The following PRRT4 variants were observed in gnomAD, a reference collection of about 807,000 sequenced individuals.
PRRT4 encodes the protein proline rich transmembrane protein 4.
Under a neutral mutation model 55.6 loss-of-function variants are expected in PRRT4, and 59 were observed. That is an observed-to-expected ratio of 1.06 (90% confidence interval 0.86 to 1.32). PRRT4 has a LOEUF of 1.32. Among genes scored for constraint, PRRT4 ranks in the 40% most tolerant of loss-of-function variants. The pLI, the probability that PRRT4 is intolerant of heterozygous loss-of-function variation, is 0.00. For missense variants in PRRT4, 1,217 were observed against 1,222.0 expected (o/e 1.00, Z 0.06); for synonymous variants, 606 against 601.8 (o/e 1.01, Z -0.10).
chr7:128,351,977 C>A, exon 5 of PRRT4: 1 of 1,297,922 alleles, frequency 7.7e-7, no homozygotes, highest in Non-Finnish European at 9.8e-7. Context: ...AGGGGCGCCC[C>A]GGCCCGCCGC....
At chr7:128,360,568 G>A (rs970217713) in intron 1 of PRRT4, among the ~76,000 whole-genome samples, 3 of 152,220 alleles carry the variant, frequency 2.0e-5, no homozygotes, top group Non-Finnish European at 2.9e-5. Context: ...GGCCTCGGGA[G>A]GGGTAAAGCC....
intron 4 of PRRT4, among the ~76,000 whole-genome samples, chr7:128,357,649 G>T (rs537321183): frequency 1.3e-5 from 2 of 152,378 alleles, no homozygotes; most frequent in African/African-American, 4.8e-5. Flanking sequence ...CAGGTCATGG[G>T]TTAAGTCTGG....
At chr7:128,359,790 C>G in exon 2 of PRRT4, 1 of 1,537,934 alleles carries the variant, frequency 6.5e-7, no homozygotes, top group Non-Finnish European at 8.8e-7. Flanking sequence ...ACTGGGCTCC[C>G]CCAGACAGCA....
rs773833322 is a variant in PRRT4, at chr7:128,359,589, G to A, written c.403C>T (p.Arg135Cys). The A allele has an allele frequency of 3.1e-4, 464 of 1,509,734 alleles. No homozygotes were observed. Among genetic ancestry groups the A allele is most frequent in the Non-Finnish European group, 3.9e-4 (439 of 1,126,726 alleles). 93.5% of individuals were successfully genotyped at this position (1,509,734 alleles called of 1,614,324 possible). A position where few individuals can be genotyped will look rare whatever the true frequency, so the allele number is the denominator to read the frequency against. Residue 135 changes from arginine (R) to cysteine (C), a missense_variant, in exon 2 of 5, where the codon CGC becomes TGC. This residue lies in a region of PRRT4 where 564 missense variants were observed against 592.9 expected (regional missense o/e 0.95). Coordinates refer to ENST00000535159, the Ensembl canonical transcript of PRRT4. ...GTGGGCCCATCGCTGGGCCCAGAGC[G>A]CCGGGATGTGGACTCCGGAAGCAGG... is the stretch of plus-strand genomic sequence containing the variant.
At chr7:128,352,667 G>A (rs975344985) in exon 5 of PRRT4, 2 of 1,527,584 alleles carry the variant, frequency 1.3e-6, no homozygotes, top group African/African-American at 1.4e-5. Flanking sequence ...CCAGAGATGG[G>A]GACTGTGGGG....
intron 4 of PRRT4, among the ~76,000 whole-genome samples, chr7:128,353,804 G>A (rs1348023615): frequency 6.6e-6 from 1 of 152,176 alleles, no homozygotes. Flanking sequence ...CAGTTGCTCT[G>A]GGGTTTGCTA....
chr7:128,350,894 C>CCG lies in PRRT4; in HGVS notation c.2661_2662insCG (p.Asp888ArgfsTer4). ...GTGTCGCTGCCCACGCTCAGCTCGT[C>CCG]GATCTGTCGGCAGGCGTCCAGGAAC... On this transcript the variant is annotated frameshift_variant, in exon 5 of 5. Coordinates refer to ENST00000535159, the Ensembl canonical transcript of PRRT4. LOFTEE classifies it high-confidence loss of function. 1 of 1,550,932 alleles carries CCG rather than the reference C, an allele frequency of 6.4e-7. No homozygotes were observed. Among genetic ancestry groups the CCG allele is most frequent in the Non-Finnish European group, 8.7e-7 (1 of 1,146,988 alleles).
intron 4 of PRRT4, among the ~76,000 whole-genome samples, chr7:128,357,589 C>A (rs940867901): frequency 6.6e-6 from 1 of 152,316 alleles, no homozygotes; most frequent in South Asian, 2.1e-4. Flanking sequence ...AGGCCCCTCA[C>A]CCACCATCCA....
chr7:128,359,565 T>C, exon 2 of PRRT4: 1 of 1,495,412 alleles, frequency 6.7e-7, no homozygotes. Flanking sequence ...TAGGGGGCAG[T>C]GGGCCCATCG....
chr7:128,359,916 T>C, exon 2 of PRRT4: 1 of 1,442,250 alleles, frequency 6.9e-7, no homozygotes, highest in Non-Finnish European at 9.2e-7. Context: ...ATGGAGGGGG[T>C]GGGCTGGGGG....
At chr7:128,359,357 C>T (rs1797184858) in exon 2 of PRRT4, 2 of 1,474,790 alleles carry the variant, frequency 1.4e-6, no homozygotes, top group South Asian at 1.4e-5. Flanking sequence ...TCCCAGGCGC[C>T]CAGCAATCTC....
exon 1 of PRRT4, chr7:128,361,617 G>C (rs1797261533): frequency 6.6e-6 from 1 of 152,232 alleles, no homozygotes; most frequent in South Asian, 1.9e-4. Context: ...CCCTCCCAGC[G>C]GCGCCGCCTC....
At chr7:128,357,178 C>A (rs193091340) in intron 4 of PRRT4, among the ~76,000 whole-genome samples, 165 of 151,870 alleles carry the variant, frequency 1.1e-3, no homozygotes, top group African/African-American at 3.8e-3. Context: ...CACAGAGAGA[C>A]TCCCTTTGTA....
At chr7:128,354,508 A>G (rs1255622848) in intron 4 of PRRT4, among the ~76,000 whole-genome samples, 1 of 151,926 alleles carries the variant, frequency 6.6e-6, no homozygotes, top group African/African-American at 2.4e-5. Context: ...AGGTTGCAGT[A>G]AGCAGAGATC....
exon 2 of PRRT4, chr7:128,359,761 G>C (rs553257056): frequency 1.3e-6 from 2 of 1,549,326 alleles, no homozygotes; most frequent in Non-Finnish European, 1.7e-6. Flanking sequence ...GCCCAAGAGA[G>C]AGTGGCTGGG....
exon 5 of PRRT4, chr7:128,350,951 G>T (rs1448950090): frequency 6.4e-7 from 1 of 1,550,996 alleles, no homozygotes; most frequent in Admixed American, 2.0e-5. Context: ...TCGGCCTGCA[G>T]CTCAGAAGCA....
At chr7:128,357,122 G>A (rs1797126431) in intron 4 of PRRT4, among the ~76,000 whole-genome samples, 1 of 152,088 alleles carries the variant, frequency 6.6e-6, no homozygotes, top group African/African-American at 2.4e-5. Context: ...GAGGGCCTAG[G>A]AGTCAAAGGT....
chr7:128,351,243 G>GC lies in PRRT4; in HGVS notation c.2312dup (p.Arg772GlnfsTer4). On this transcript the variant is annotated frameshift_variant, in exon 5 of 5. Coordinates refer to ENST00000535159, the Ensembl canonical transcript of PRRT4. LOFTEE classifies it high-confidence loss of function. ...CCTCCCCTGATCTCTCACTGGCCCT[G>GC]CCCCCGGTCCCCAGCGAGGCGGTGC... 1 of 1,539,640 alleles carries GC rather than the reference G, an allele frequency of 6.5e-7. No individual in the cohort carries two copies. The highest frequency in any genetic ancestry group is 8.7e-7 in the Non-Finnish European group (1 of 1,146,626).
At position 128,359,643 on chromosome 7, in the gene PRRT4, C is replaced by A; in HGVS notation, c.349G>T (p.Glu117Ter). The stretch of plus-strand genomic sequence containing the variant: ...GAGGCCCGGGGCTTTGAGCCACCTT[C>A]GGTGGAGCCCCACTCAGTGAGAGAG... Residue 117 changes from glutamate to a stop codon, truncating the protein, a stop_gained, in exon 2 of 5, where the codon GAA becomes TAA. Transcript: ENST00000535159. LOFTEE classifies it high-confidence loss of function. The A allele has an allele frequency of 2.6e-6, 4 of 1,545,020 alleles. No homozygotes were observed. Among genetic ancestry groups the A allele is most frequent in the Non-Finnish European group, 3.5e-6 (4 of 1,143,348 alleles).
Sources: allele counts gnomAD v4.1 joint callset (sites outside exome capture counted in the v4.1 genomes callset), GRCh38; gene constraint gnomAD v4.1.1; regional missense constraint gnomAD v4.1.1; transcripts MANE v1.5; gene names NCBI Gene and HGNC (gene_info 2026-07-23, HGNC 2026-07-21).